Variants in NBAS observed in about 807,000 individuals in gnomAD.
The protein encoded by NBAS is NBAS subunit of NRZ tethering complex, also known as NAG/BC035112 fusion.
In NBAS, 219 loss-of-function variants were observed where a neutral mutation model predicts 302.5. The observed-to-expected ratio is 0.72, with a 90% CI of 0.65 to 0.81. The LOEUF (loss-of-function observed/expected upper bound fraction) is 0.81, where lower values mean the gene tolerates loss of function less well. NBAS is among the 30% of genes least tolerant of loss of function. The pLI, the probability that NBAS is intolerant of heterozygous loss-of-function variation, is 0.00. For synonymous variants in NBAS, 1,118 were observed against 1,021.6 expected (o/e 1.09, Z -1.80); for missense variants, 2,932 against 2,841.6 (o/e 1.03, Z -0.72).
the NBAS span, among the ~76,000 whole-genome samples, chr2:15,087,673 T>C: frequency 6.6e-6 from 1 of 152,200 alleles, no homozygotes; most frequent in Non-Finnish European, 1.5e-5. Context: ...CCTGAGTGCC[T>C]GTGTGCACCA....
chr2:15,223,259 A>G (rs965531638), intron 47 of NBAS, among the ~76,000 whole-genome samples: 7 of 152,240 alleles, frequency 4.6e-5, no homozygotes, highest in Non-Finnish European at 8.8e-5. Flanking sequence ...AAACATATGC[A>G]TAGGGAAACA....
At chr2:14,858,209 G>A in the NBAS span, among the ~76,000 whole-genome samples, 1 of 152,116 alleles carries the variant, frequency 6.6e-6, no homozygotes, top group Non-Finnish European at 1.5e-5. Flanking sequence ...TACACTGTTG[G>A]TGGGAATGTG....
intron 32 of NBAS, among the ~76,000 whole-genome samples, chr2:15,364,711 T>G (rs1394098467): frequency 6.6e-6 from 1 of 151,976 alleles, no homozygotes; most frequent in Non-Finnish European, 1.5e-5. Flanking sequence ...CCCCAGCTAT[T>G]TAAGTCTTCC....
chr2:14,790,197 C>A, the NBAS span, among the ~76,000 whole-genome samples: 1 of 152,154 alleles, frequency 6.6e-6, no homozygotes, highest in Non-Finnish European at 1.5e-5. Flanking sequence ...TTCACACTAC[C>A]CACTTACTGC....
the NBAS span, among the ~76,000 whole-genome samples, chr2:15,141,280 C>A: frequency 6.6e-6 from 1 of 152,094 alleles, no homozygotes; most frequent in Non-Finnish European, 1.5e-5. Context: ...TCTGTTTAAA[C>A]CCAACATGTG....
At chr2:15,077,832 C>T in the NBAS span, among the ~76,000 whole-genome samples, 1 of 151,936 alleles carries the variant, frequency 6.6e-6, no homozygotes, top group Admixed American at 6.6e-5. Flanking sequence ...TATAGGCACG[C>T]ACCACCACAC....
the NBAS span, among the ~76,000 whole-genome samples, chr2:14,853,933 G>A: frequency 1.5e-3 from 152 of 101,508 alleles, no homozygotes; most frequent in African/African-American, 5.5e-3. Context: ...GGGGTGGGGG[G>A]AGGGGGGAGG....
At chr2:15,287,000 T>G in intron 42 of NBAS, 73 bp downstream of exon 42, 4 of 1,238,002 alleles carry the variant, frequency 3.2e-6, no homozygotes, top group Non-Finnish European at 4.8e-6. Flanking sequence ...CTTTACAACT[T>G]CTTCAAGAGT....
chr2:15,153,358 C>T, the NBAS span, among the ~76,000 whole-genome samples: 1 of 152,228 alleles, frequency 6.6e-6, no homozygotes, highest in Non-Finnish European at 1.5e-5. Context: ...GTGCTATCCC[C>T]TGAGAAGGCT....
chr2:15,456,881 A>G (rs1378619613), intron 21 of NBAS, among the ~76,000 whole-genome samples: 1 of 110,396 alleles, frequency 9.1e-6, no homozygotes, highest in Non-Finnish European at 2.1e-5. Context: ...ATAACCATGT[A>G]ACATATTAGG....
At chr2:15,091,723 G>T in the NBAS span, among the ~76,000 whole-genome samples, 1 of 151,942 alleles carries the variant, frequency 6.6e-6, no homozygotes, top group Non-Finnish European at 1.5e-5. Flanking sequence ...AGGAGAGATG[G>T]GGCTTCGCCA....
intron 25 of NBAS, among the ~76,000 whole-genome samples, chr2:15,409,146 A>G (rs904999712): frequency 7.2e-5 from 11 of 152,194 alleles, no homozygotes; most frequent in Non-Finnish European, 1.3e-4. Flanking sequence ...CATTGTTCTT[A>G]AGAAGTCTGC....
intron 9 of NBAS, among the ~76,000 whole-genome samples, chr2:15,518,057 TAAAAA>T (rs1662485140): frequency 6.7e-6 from 1 of 150,004 alleles, no homozygotes; most frequent in South Asian, 2.1e-4. Context: ...TTTTTAAACT[TAAAAA>T]GAAGAACATC....
At chr2:14,895,220 G>C in the NBAS span, among the ~76,000 whole-genome samples, 1 of 152,066 alleles carries the variant, frequency 6.6e-6, no homozygotes, top group Non-Finnish European at 1.5e-5. Context: ...TAACTGTTGT[G>C]TTGTTGTTGT....
chr2:14,847,586 T>C, the NBAS span, among the ~76,000 whole-genome samples: 2 of 150,456 alleles, frequency 1.3e-5, no homozygotes, highest in Admixed American at 6.6e-5. Flanking sequence ...CAAGAAGATA[T>C]AACAATTTTA....
At chr2:15,320,303 C>A (rs1299147285) in intron 38 of NBAS, among the ~76,000 whole-genome samples, 1 of 152,108 alleles carries the variant, frequency 6.6e-6, no homozygotes. Flanking sequence ...ACTGAATGGG[C>A]AAAAACTGGA....
At chr2:15,178,924 C>A in intron 51 of NBAS, 64 bp downstream of exon 51, 1 of 1,601,446 alleles carries the variant, frequency 6.2e-7, no homozygotes, top group Non-Finnish European at 8.5e-7. Context: ...AATGAAAGTG[C>A]TAATTCATTC....
intron 35 of NBAS, among the ~76,000 whole-genome samples, chr2:15,338,842 T>C (rs907912879): frequency 6.6e-6 from 1 of 151,974 alleles, no homozygotes; most frequent in Non-Finnish European, 1.5e-5. Flanking sequence ...AGACCCCGTA[T>C]CTAAAATAAA....
chr2:15,394,637 C>G (rs542047310), intron 27 of NBAS, among the ~76,000 whole-genome samples: 32 of 152,150 alleles, frequency 2.1e-4, no homozygotes, highest in African/African-American at 7.5e-4. Flanking sequence ...GCTACAGCAC[C>G]TGTCAGTAAA....
Sources: allele counts gnomAD v4.1 joint callset (sites outside exome capture counted in the v4.1 genomes callset), GRCh38; gene constraint gnomAD v4.1.1; transcripts MANE v1.5; gene names NCBI Gene and HGNC (gene_info 2026-07-23, HGNC 2026-07-21).